The following PLPP6 variants were observed in gnomAD, a reference collection of about 807,000 sequenced individuals.
The protein encoded by PLPP6 is phospholipid phosphatase 6.
In PLPP6, 16 loss-of-function variants were observed where a neutral mutation model predicts 16.5. That is an observed-to-expected ratio of 0.97 (90% confidence interval 0.66 to 1.47). PLPP6 has a LOEUF of 1.47. PLPP6 is among the 40% of genes most tolerant of loss of function. PLPP6 has a pLI of 0.00. For synonymous variants in PLPP6, 226 were observed against 188.1 expected (o/e 1.20, Z -1.65); for missense variants, 512 against 396.6 (o/e 1.29, Z -2.47).
In PLPP6 at chr9:4,662,850, A is replaced by C; in HGVS notation, c.475A>C (p.Ser159Arg). Reference protein sequence around the residue: ...GTLYCLCRSDSWAGREVLMNL... With the variant: ...GTLYCLCRSDRWAGREVLMNL... ...CCTCTACTGCCTGTGCAGGAGCGACAGCTGGGCCGGGCGCGAGGTGCTGAT... is the reference window on the plus strand; with the variant it reads ...CCTCTACTGCCTGTGCAGGAGCGACCGCTGGGCCGGGCGCGAGGTGCTGAT... The change falls in exon 1 of 1, where the codon AGC becomes CGC. Residue 159 changes from serine (S) to arginine (R), a missense_variant. Ser to Arg is a moderately radical substitution (Grantham distance 110). Coordinates refer to ENST00000381883, the MANE Select transcript of PLPP6 (RefSeq NM_203453.5). This position sits in a 1 kb window ranked among gnomAD's most constrained non-coding sequence, Gnocchi z 4.9. The C allele has an allele frequency of 6.2e-7, 1 of 1,605,348 alleles. No individual in the cohort carries two copies. The highest frequency in any genetic ancestry group is 1.3e-5 in the African/African-American group (1 of 75,056).
At position 4,664,380 on chromosome 9, in the gene PLPP6, C is replaced by T. The variant is rs904116778; in HGVS notation, c.*1117C>T. On this transcript the variant is annotated 3_prime_UTR_variant, in exon 1 of 1. Transcript: ENST00000381883. ...ACATGGAATTCCGTTTTCTGAGGTACAGCACATTTTAGGTAACAGTATTTA... is the reference window on the plus strand; with the variant it reads ...ACATGGAATTCCGTTTTCTGAGGTATAGCACATTTTAGGTAACAGTATTTA... 6.0e-6 allele frequency: 1 copy of T among 166,994 alleles called. No individual in the cohort carries two copies. The highest frequency in any genetic ancestry group is 2.4e-5 in the African/African-American group (1 of 41,452). The allele number at this position is 166,994 out of a possible 1,614,324, so 10.3% of individuals were successfully genotyped here. A position where few individuals can be genotyped will look rare whatever the true frequency, so the allele number is the denominator to read the frequency against.
rs1021563901 is a variant in PLPP6, at chr9:4,662,822, C to T, written c.447C>T (p.Gly149=). Reference sequence around the variant, plus strand: ...GACACGGCATCCCCTGGCTGCTGGGCACCCTCTACTGCCTGTGCAGGAGCG... The same window carrying T: ...GACACGGCATCCCCTGGCTGCTGGGTACCCTCTACTGCCTGTGCAGGAGCG... ...ISGHGIPWLL[G]TLYCLCRSDS... is the part of the protein sequence containing the mutation. The change falls in exon 1 of 1, where the codon GGC becomes GGT. Residue 149 remains glycine, a synonymous_variant. Transcript: ENST00000381883. This position sits in a 1 kb window ranked among gnomAD's most constrained non-coding sequence, Gnocchi z 4.9. 1 of 1,604,992 alleles carries T rather than the reference C, an allele frequency of 6.2e-7. No individual in the cohort carries two copies. The highest frequency in any genetic ancestry group is 1.3e-5 in the African/African-American group (1 of 74,930).
Position 4,662,383 on chromosome 9 carries a change from G to T in PLPP6, c.8G>T (p.Ser3Ile). 6.6e-7 allele frequency: 1 copy of T among 1,519,812 alleles called. No individual in the cohort carries two copies. The highest frequency in any genetic ancestry group is 8.8e-7 in the Non-Finnish European group (1 of 1,141,386). The allele number at this position is 1,519,812 out of a possible 1,614,324, so 94.1% of individuals were successfully genotyped here. A position where few individuals can be genotyped will look rare whatever the true frequency, so the allele number is the denominator to read the frequency against. The change falls in exon 1 of 1, where the codon AGT (serine) becomes ATT (isoleucine). Residue 3 changes from serine to isoleucine, a missense_variant. Coordinates refer to ENST00000381883, the MANE Select transcript of PLPP6 (RefSeq NM_203453.5). The surrounding 1 kb of genome is among the most constrained non-coding windows in gnomAD (Gnocchi z 4.9). ...TCCGGGCCGCCAGCTGCGATGCCAA[G>T]TCCCCGGAGGAGCATGGAGGGACGG... MP[S>I]PRRSMEGRPL...
rs1840483398 is a variant in PLPP6 at position 4,664,100 on chromosome 9, C to T, written c.*837C>T. ...ATGGCCCCATGCTTATTTTTGTTTA[C>T]AACGTAACATGGCATGAGAGAGGGC... On this transcript the variant is annotated 3_prime_UTR_variant, in exon 1 of 1. Coordinates refer to ENST00000381883, the MANE Select transcript of PLPP6 (RefSeq NM_203453.5). 1 of 167,048 alleles carries T rather than the reference C, an allele frequency of 6.0e-6. No homozygotes were observed. Among genetic ancestry groups the T allele is most frequent in the African/African-American group, 2.4e-5 (1 of 41,422 alleles). 10.3% of individuals were successfully genotyped at this position (167,048 alleles called of 1,614,324 possible). A position where few individuals can be genotyped will look rare whatever the true frequency, so the allele number is the denominator to read the frequency against.
rs546855389 is a variant in PLPP6, at chr9:4,664,134, T to C, written c.*871T>C. ...ATGGCATGAGAGAGGGCAGAGAAAC[T>C]AAGTTGCTGGGGAAAGTTAGAGGAA... is the stretch of plus-strand genomic sequence containing the variant. On this transcript the variant is annotated 3_prime_UTR_variant, in exon 1 of 1. Coordinates refer to ENST00000381883, the MANE Select transcript of PLPP6 (RefSeq NM_203453.5). The C allele has an allele frequency of 6.0e-6, 1 of 167,138 alleles. No homozygotes were observed. Among genetic ancestry groups the C allele is most frequent in the African/African-American group, 2.4e-5 (1 of 41,462 alleles). The allele number at this position is 167,138 out of a possible 1,614,324, so 10.4% of individuals were successfully genotyped here.
rs370523980 is a variant in PLPP6, at chr9:4,663,225, A to G, written c.850A>G (p.Asn284Asp). The G allele has an allele frequency of 1.2e-6, 2 of 1,613,618 alleles. No individual in the cohort carries two copies. Among genetic ancestry groups the G allele is most frequent in the Non-Finnish European group, 1.7e-6 (2 of 1,179,894 alleles). Residue 284 changes from asparagine (N) to aspartate (D), a missense_variant, in exon 1 of 1, where the codon AAT becomes GAT. By Grantham distance (23) the Asn-to-Asp change is conservative. Transcript: ENST00000381883. ...IVDYCWLSPHNAPVLFLLWSQ... is the reference protein window; with the variant it reads ...IVDYCWLSPHDAPVLFLLWSQ... ...GGACTATTGCTGGCTCTCACCCCAT[A>G]ATGCTCCGGTCCTCTTTTTACTGTG...
Position 4,663,164 on chromosome 9 carries a change from T to A in PLPP6, c.789T>A (p.Phe263Leu). The A allele has an allele frequency of 6.2e-7, 1 of 1,614,146 alleles. No homozygotes were observed. Among genetic ancestry groups the A allele is most frequent in the Non-Finnish European group, 8.5e-7 (1 of 1,180,022 alleles). Reference sequence around the variant, plus strand: ...GGCACAATGTCACCGACGTAGCTTTTGGCTTTTTTCTGGGCTACATGCAGT... The same window carrying A: ...GGCACAATGTCACCGACGTAGCTTTAGGCTTTTTTCTGGGCTACATGCAGT... ...LGRHNVTDVA[F>L]GFFLGYMQYS... is the part of the protein sequence containing the mutation. The change falls in exon 1 of 1, where the codon TTT (phenylalanine) becomes TTA (leucine). Residue 263 changes from phenylalanine (F) to leucine (L), a missense_variant. Coordinates refer to ENST00000381883, the MANE Select transcript of PLPP6 (RefSeq NM_203453.5).
rs148686981 is a variant in PLPP6, at chr9:4,662,976, G to A, written c.601G>A (p.Val201Ile). Reference sequence around the variant, plus strand: ...GGCCCACAACCAGATGGACATGTTTGTCACTCTCTCGGTGGACAAGTACTC... The same window carrying A: ...GGCCCACAACCAGATGGACATGTTTATCACTCTCTCGGTGGACAAGTACTC... Reference protein sequence around the residue: ...RPAHNQMDMFVTLSVDKYSFP... With the variant: ...RPAHNQMDMFITLSVDKYSFP... The change falls in exon 1 of 1, where the codon GTC becomes ATC. Residue 201 changes from valine (V) to isoleucine (I), a missense_variant. Val to Ile is a conservative substitution (Grantham distance 29). Coordinates refer to ENST00000381883, the MANE Select transcript of PLPP6 (RefSeq NM_203453.5). This position sits in a 1 kb window ranked among gnomAD's most constrained non-coding sequence, Gnocchi z 4.9. 35 of 1,612,902 alleles carry A rather than the reference G, an allele frequency of 2.2e-5. No individual in the cohort carries two copies. Among genetic ancestry groups the A allele is most frequent in the Non-Finnish European group, 2.6e-5 (31 of 1,179,904 alleles).
rs999884306 is a variant in PLPP6 at position 4,665,123 on chromosome 9, C to T, written c.*1860C>T. On this transcript the variant is annotated 3_prime_UTR_variant, in exon 1 of 1. Transcript: ENST00000381883. Reference sequence around the variant, plus strand: ...TTGCTGAGGCCTGAGTTTTCTGGCTCTTAAAGCATAGATCATTTCACCTGA... The same window carrying T: ...TTGCTGAGGCCTGAGTTTTCTGGCTTTTAAAGCATAGATCATTTCACCTGA... 2 of 167,108 alleles carry T rather than the reference C, an allele frequency of 1.2e-5. No homozygotes were observed. Among genetic ancestry groups the T allele is most frequent in the Non-Finnish European group, 2.9e-5 (2 of 68,134 alleles). 10.4% of individuals were successfully genotyped at this position (167,108 alleles called of 1,614,324 possible). A position where few individuals can be genotyped will look rare whatever the true frequency, so the allele number is the denominator to read the frequency against.
In PLPP6 at chr9:4,662,928, G is replaced by T. The variant is rs1350006945; in HGVS notation, c.553G>T (p.Gly185Trp). Residue 185 changes from glycine to tryptophan, a missense_variant, in exon 1 of 1, where the codon GGG (glycine) becomes TGG (tryptophan). Transcript: ENST00000381883. The surrounding 1 kb of genome is among the most constrained non-coding windows in gnomAD (Gnocchi z 4.9). ...CCTGCTGCTGGTGGCCTTGATCAAA[G>T]GGCTGGTCCGCAGGCGCCGCCCGGC... ...LDLLLVALIK[G>W]LVRRRRPAHN... The T allele has an allele frequency of 6.2e-7, 1 of 1,610,948 alleles. No individual in the cohort carries two copies. Among genetic ancestry groups the T allele is most frequent in the Admixed American group, 1.7e-5 (1 of 59,994 alleles).
rs749906119 is a variant in PLPP6 at position 4,663,287 on chromosome 9, C to T, written c.*24C>T. On this transcript the variant is annotated 3_prime_UTR_variant, in exon 1 of 1. Transcript: ENST00000381883. ...GACACCATCTCATTGATTATGGCAC[C>T]AGGAAGTCTGAAGGTTTCCACATTC... 14 of 1,599,650 alleles carry T rather than the reference C, an allele frequency of 8.8e-6. No homozygotes were observed. The highest frequency in any genetic ancestry group is 1.7e-4 in the Middle Eastern group (1 of 6,014).
chr9:4,663,232 C>G lies in PLPP6; in HGVS notation c.857C>G (p.Pro286Arg). 1.2e-6 allele frequency: 2 copies of G among 1,614,014 alleles called. No individual in the cohort carries two copies. The highest frequency in any genetic ancestry group is 1.7e-6 in the Non-Finnish European group (2 of 1,179,962). ...TGCTGGCTCTCACCCCATAATGCTC[C>G]GGTCCTCTTTTTACTGTGGAGTCAA... ...DYCWLSPHNAPVLFLLWSQR is the reference protein window; with the variant it reads ...DYCWLSPHNARVLFLLWSQR Residue 286 changes from proline (P) to arginine (R), a missense_variant, in exon 1 of 1, where the codon CCG (proline) becomes CGG (arginine). By Grantham distance (103) the Pro-to-Arg change is moderately radical (BLOSUM62 -2). Transcript: ENST00000381883.
At position 4,662,763 on chromosome 9, in the gene PLPP6, G is replaced by C. The variant is rs145743186; in HGVS notation, c.388G>C (p.Val130Leu). 1.2e-6 allele frequency: 2 copies of C among 1,604,648 alleles called. No homozygotes were observed. The highest frequency in any genetic ancestry group is 2.2e-5 in the East Asian group (1 of 44,862). The change falls in exon 1 of 1, where the codon GTG becomes CTG. Residue 130 changes from valine (V) to leucine (L), a missense_variant. Physicochemically the swap from Val to Leu is conservative, Grantham distance 32. Coordinates refer to ENST00000381883, the MANE Select transcript of PLPP6 (RefSeq NM_203453.5). The surrounding 1 kb of genome is among the most constrained non-coding windows in gnomAD (Gnocchi z 4.9). ...GGGAGAGAGCTCGTCGTGGGGCAGCGTGCGACCCCTTATGAAGCTGCTGGA... is the reference window on the plus strand; with the variant it reads ...GGGAGAGAGCTCGTCGTGGGGCAGCCTGCGACCCCTTATGAAGCTGCTGGA... ...CAGESSSWGS[V>L]RPLMKLLEIS...
Position 4,665,099 on chromosome 9 carries a change from TG to T in PLPP6, c.*1837del, listed in dbSNP as rs1840667754. On this transcript the variant is annotated 3_prime_UTR_variant, in exon 1 of 1. Transcript: ENST00000381883. ...CAATTTTGGAATTCTCTGTTTTAGT[TG>T]CTGAGGCCTGAGTTTTCTGGCTCTT... 4 of 167,134 alleles carry T rather than the reference TG, an allele frequency of 2.4e-5. No homozygotes were observed. Among genetic ancestry groups the T allele is most frequent in the Admixed American group, 1.3e-4 (2 of 15,292 alleles). The allele number at this position is 167,134 out of a possible 1,614,324, so 10.4% of individuals were successfully genotyped here. A position where few individuals can be genotyped will look rare whatever the true frequency, so the allele number is the denominator to read the frequency against.
chr9:4,662,308 A>G lies in PLPP6; in HGVS notation c.-68A>G, dbSNP rs1839992767. On this transcript the variant is annotated 5_prime_UTR_variant, in exon 1 of 1. Transcript: ENST00000381883. The surrounding 1 kb of genome is among the most constrained non-coding windows in gnomAD (Gnocchi z 4.9). ...TCCGGGATGGTAGTGCGGAAGCGGA[A>G]GAGGCTGCAGGGCCGGGAAGCCTCT... 7.0e-7 allele frequency: 1 copy of G among 1,436,138 alleles called. No individual in the cohort carries two copies. The highest frequency in any genetic ancestry group is 1.4e-5 in the African/African-American group (1 of 69,620). 89.0% of individuals were successfully genotyped at this position (1,436,138 alleles called of 1,614,324 possible).
In PLPP6 at chr9:4,662,602, C is replaced by A; in HGVS notation, c.227C>A (p.Ala76Glu). Reference sequence around the variant, plus strand: ...CGCGGCTCCTTCCCCCTGGCCGCGGCGGGCCCCTCGCAGTCGCCCGCGCCT... The same window carrying A: ...CGCGGCTCCTTCCCCCTGGCCGCGGAGGGCCCCTCGCAGTCGCCCGCGCCT... ...HRRGSFPLAA[A>E]GPSQSPAPPL... The change falls in exon 1 of 1, where the codon GCG becomes GAG. Residue 76 changes from alanine (A) to glutamate (E), a missense_variant. By Grantham distance (107) the Ala-to-Glu change is moderately radical. Transcript: ENST00000381883. This position sits in a 1 kb window ranked among gnomAD's most constrained non-coding sequence, Gnocchi z 4.9. 1 of 1,590,520 alleles carries A rather than the reference C, an allele frequency of 6.3e-7. No individual in the cohort carries two copies. The highest frequency in any genetic ancestry group is 2.3e-5 in the East Asian group (1 of 44,334).
rs1840661224 is a variant in PLPP6, at chr9:4,665,051, G to A, written c.*1788G>A. 1.2e-5 allele frequency: 2 copies of A among 167,054 alleles called. No individual in the cohort carries two copies. Among genetic ancestry groups the A allele is most frequent in the Non-Finnish European group, 2.9e-5 (2 of 68,110 alleles). 10.3% of individuals were successfully genotyped at this position (167,054 alleles called of 1,614,324 possible). ...CTGAATATTAGGGGCATGAAATTAG[G>A]CTTACCATCTGATTTGTAATTACAA... On this transcript the variant is annotated 3_prime_UTR_variant, in exon 1 of 1. Transcript: ENST00000381883.
Position 4,662,929 on chromosome 9 carries a change from G to A in PLPP6, c.554G>A (p.Gly185Glu), listed in dbSNP as rs149516642. The A allele has an allele frequency of 6.2e-7, 1 of 1,610,840 alleles. No individual in the cohort carries two copies. ...LDLLLVALIK[G>E]LVRRRRPAHN... is the part of the protein sequence containing the mutation. ...CTGCTGCTGGTGGCCTTGATCAAAGGGCTGGTCCGCAGGCGCCGCCCGGCC... is the reference window on the plus strand; with the variant it reads ...CTGCTGCTGGTGGCCTTGATCAAAGAGCTGGTCCGCAGGCGCCGCCCGGCC... The change falls in exon 1 of 1, where the codon GGG becomes GAG. Residue 185 changes from glycine to glutamate, a missense_variant. By Grantham distance (98) the Gly-to-Glu change is moderately conservative. Coordinates refer to ENST00000381883, the MANE Select transcript of PLPP6 (RefSeq NM_203453.5). This position sits in a 1 kb window ranked among gnomAD's most constrained non-coding sequence, Gnocchi z 4.9.
In PLPP6 at chr9:4,664,524, T is replaced by C. The variant is rs1840566317; in HGVS notation, c.*1261T>C. 6.0e-6 allele frequency: 1 copy of C among 167,088 alleles called. No individual in the cohort carries two copies. Among genetic ancestry groups the C allele is most frequent in the Non-Finnish European group, 1.5e-5 (1 of 68,124 alleles). 10.4% of individuals were successfully genotyped at this position (167,088 alleles called of 1,614,324 possible). A position where few individuals can be genotyped will look rare whatever the true frequency, so the allele number is the denominator to read the frequency against. On this transcript the variant is annotated 3_prime_UTR_variant, in exon 1 of 1. Coordinates refer to ENST00000381883, the MANE Select transcript of PLPP6 (RefSeq NM_203453.5). The stretch of plus-strand genomic sequence containing the variant: ...TCATCCATGGTGCCTCCCCAAATCA[T>C]AAGACCAAAGACCACCAAACGCAGG...
Sources: allele counts gnomAD v4.1 joint callset, GRCh38; gene constraint gnomAD v4.1.1; non-coding constraint Gnocchi (gnomAD v3.1); transcripts MANE v1.5; gene names NCBI Gene and HGNC (gene_info 2026-07-23, HGNC 2026-07-21).